Variants in TMEM95 observed in about 807,000 individuals in gnomAD.
TMEM95 encodes sperm-egg fusion protein TMEM95.
Under a neutral mutation model 27.7 loss-of-function variants are expected in TMEM95, and 21 were observed. The observed-to-expected ratio is 0.76, with a 90% confidence interval of 0.54 to 1.09. The LOEUF is 1.09. Ranked by LOEUF, TMEM95 falls within the 50% of genes least tolerant of loss-of-function variation. The probability of loss-of-function intolerance (pLI) is 0.00; values close to 1 mark genes in which losing one functional copy is unlikely to be tolerated. For missense variants in TMEM95, 203 were observed against 217.9 expected, an observed-to-expected ratio of 0.93 and a Z score of 0.43; for synonymous variants, 77 against 85.7, an observed-to-expected ratio of 0.90 and a Z score of 0.56.
intron 5 of TMEM95, 28 bp downstream of exon 5, chr17:7,356,304 C>A: frequency 6.3e-7 from 1 of 1,594,476 alleles, no homozygotes; most frequent in South Asian, 1.1e-5. Flanking sequence ...GGCCCCGCCC[C>A]ACCTTGCCCA....
In TMEM95 at chr17:7,356,692, C is replaced by T. The variant is rs766339728; in HGVS notation, c.*60C>T. 9 of 1,581,810 alleles carry T rather than the reference C, an allele frequency of 5.7e-6. No homozygotes were observed. Among genetic ancestry groups the T allele is most frequent in the Middle Eastern group, 1.7e-4 (1 of 5,996 alleles). On this transcript the variant is annotated 3_prime_UTR_variant, in exon 7 of 7. Transcript: ENST00000576060. ...GGGTATGCACTCACAACTTCCACAT[C>T]CCTTGGAGGGGAACCAGTCAGCCCC...
Position 7,355,474 on chromosome 17 carries a change from T to C in TMEM95, c.169+101T>C. 1 of 1,539,926 alleles carries C rather than the reference T, an allele frequency of 6.5e-7. No individual in the cohort carries two copies. Among genetic ancestry groups the C allele is most frequent in the Non-Finnish European group, 8.8e-7 (1 of 1,139,184 alleles). On this transcript the variant is annotated intron_variant, in intron 1 of 6. Transcript: ENST00000576060. This position sits in a 1 kb window ranked among gnomAD's most constrained non-coding sequence, Gnocchi z 4.9. ...AGCTGTGCCCTCCATCTGTGGCCCT[T>C]TCTGGACATGCTGGCCTTTCCCTCT... is the stretch of plus-strand genomic sequence containing the variant.
chr17:7,355,844 A>G lies in TMEM95; in HGVS notation c.233A>G (p.Lys78Arg), dbSNP rs2073485278. 1.2e-6 allele frequency: 2 copies of G among 1,613,846 alleles called. No individual in the cohort carries two copies. The highest frequency in any genetic ancestry group is 1.7e-6 in the Non-Finnish European group (2 of 1,179,974). ...CTGCTGTCTGCCTCCCCAGAAATCA[A>G]AGAGGCTGTCTCCTCACTCCCTTCA... ...THRVLRVMEI[K>R]EAVSSLPSYW... Residue 78 changes from lysine to arginine, a missense_variant, in exon 3 of 7, where the codon AAA becomes AGA. Lys to Arg is a conservative substitution (Grantham distance 26). Coordinates refer to ENST00000576060, the MANE Select transcript of TMEM95 (RefSeq NM_001320436.2). This position sits in a 1 kb window ranked among gnomAD's most constrained non-coding sequence, Gnocchi z 4.9.
In TMEM95 at chr17:7,355,709, G is replaced by A; in HGVS notation, c.226+67G>A. On this transcript the variant is annotated intron_variant, in intron 2 of 6. Coordinates refer to ENST00000576060, the MANE Select transcript of TMEM95 (RefSeq NM_001320436.2). This position sits in a 1 kb window ranked among gnomAD's most constrained non-coding sequence, Gnocchi z 4.9. Reference sequence around the variant, plus strand: ...TACCAAGGAGAGGGACGGGTGACAGGGGTTGGGGTGGGCAGGGAAGGGTGG... The same window carrying A: ...TACCAAGGAGAGGGACGGGTGACAGAGGTTGGGGTGGGCAGGGAAGGGTGG... The A allele has an allele frequency of 1.3e-6, 2 of 1,497,884 alleles. No homozygotes were observed. Among genetic ancestry groups the A allele is most frequent in the Non-Finnish European group, 1.8e-6 (2 of 1,081,462 alleles). 92.8% of individuals were successfully genotyped at this position (1,497,884 alleles called of 1,614,324 possible).
rs368526974 is a variant in TMEM95 at position 7,355,212 on chromosome 17, G to C, written c.8G>C (p.Arg3Thr). Residue 3 changes from arginine to threonine, a missense_variant, in exon 1 of 7, where the codon AGG becomes ACG. Arg to Thr is a moderately conservative substitution (Grantham distance 71). Transcript: ENST00000576060. The surrounding 1 kb of genome is among the most constrained non-coding windows in gnomAD (Gnocchi z 4.9). ...CATCCCCCAGTGGTCCTCATGTGGAGGCTGGCACTAGGCGGGGTTTTCCTG... is the reference window on the plus strand; with the variant it reads ...CATCCCCCAGTGGTCCTCATGTGGACGCTGGCACTAGGCGGGGTTTTCCTG... The part of the protein sequence containing the change: MW[R>T]LALGGVFLAA... 39 of 1,612,828 alleles carry C rather than the reference G, an allele frequency of 2.4e-5. No individual in the cohort carries two copies. The African/African-American group carries it at 4.9e-4, about 20-fold the overall frequency.
chr17:7,356,348 G>A (rs771013883), intron 5 of TMEM95, 44 bp from the exon 6 acceptor site: 58 of 1,609,246 alleles, frequency 3.6e-5, no homozygotes, highest in Admixed American at 3.2e-4. Context: ...AAGTCGGTGC[G>A]TGTGGGTCCC....
chr17:7,355,303 G>A lies in TMEM95; in HGVS notation c.99G>A (p.Arg33=), dbSNP rs2073470705. The A allele has an allele frequency of 6.2e-7, 1 of 1,614,116 alleles. No homozygotes were observed. Residue 33 remains arginine (R), a synonymous_variant, in exon 1 of 7, where the codon CGG becomes CGA. Transcript: ENST00000576060. The surrounding 1 kb of genome is among the most constrained non-coding windows in gnomAD (Gnocchi z 4.9). ...ACGACTTGTCAGGCCGCCTGGCTCG[G>A]CTCTGCAGCCAGATGGAGGCCAGGC... ...PAHDLSGRLA[R]LCSQMEARQK...
In TMEM95 at chr17:7,355,397, G is replaced by A. The variant is rs2073473786; in HGVS notation, c.169+24G>A. 2.5e-6 allele frequency: 4 copies of A among 1,598,792 alleles called. No individual in the cohort carries two copies. Among genetic ancestry groups the A allele is most frequent in the Non-Finnish European group, 3.4e-6 (4 of 1,170,008 alleles). ...AGGTAGGACCAGACATCCAGGGATG[G>A]GCCCAGCAAGCACTCACCCCCCTAC... On this transcript the variant is annotated intron_variant, in intron 1 of 6. Transcript: ENST00000576060. This position sits in a 1 kb window ranked among gnomAD's most constrained non-coding sequence, Gnocchi z 4.9.
chr17:7,355,182 C>T lies in TMEM95; in HGVS notation c.-23C>T, dbSNP rs183640183. On this transcript the variant is annotated 5_prime_UTR_variant, in exon 1 of 7. Transcript: ENST00000576060. The surrounding 1 kb of genome is among the most constrained non-coding windows in gnomAD (Gnocchi z 4.9). ...TTCCTCGGCTCAGCTGGGGCAGCGC[C>T]GCCCCATCCCCCAGTGGTCCTCATG... The T allele has an allele frequency of 7.0e-5, 112 of 1,606,486 alleles. No individual in the cohort carries two copies. In the African/African-American group the frequency reaches 7.6e-4, roughly 11 times the overall value.
At chr17:7,356,164 C>T (rs976037086) in intron 4 of TMEM95, 32 bp from the exon 5 acceptor site, 5 of 1,585,606 alleles carry the variant, frequency 3.2e-6, no homozygotes, top group Admixed American at 1.7e-5. Context: ...CCGGCCTCCC[C>T]TCCCCAGCGT....
chr17:7,356,588 T>C lies in TMEM95; in HGVS notation c.498-11T>C. ...CCCTCCCGTAGGCTTCCCACCCTCG[T>C]CTTCCCTCAGGTCCCACCACCTCCA... On this transcript the variant is annotated splice_polypyrimidine_tract_variant and intron_variant, in intron 6 of 6. Coordinates refer to ENST00000576060, the MANE Select transcript of TMEM95 (RefSeq NM_001320436.2). The C allele has an allele frequency of 6.2e-7, 1 of 1,609,744 alleles. No individual in the cohort carries two copies. Among genetic ancestry groups the C allele is most frequent in the South Asian group, 1.1e-5 (1 of 90,736 alleles).
In TMEM95 at chr17:7,357,106, A is replaced by T. The variant is rs2073524829; in HGVS notation, c.*474A>T. On this transcript the variant is annotated 3_prime_UTR_variant, in exon 7 of 7. Transcript: ENST00000576060. ...AAACTCACCCCACTAGAGTGAGATC[A>T]CATCAGTGGGTTCGCGGGCATGCCC... 1.2e-5 allele frequency: 2 copies of T among 167,028 alleles called. No individual in the cohort carries two copies. Among genetic ancestry groups the T allele is most frequent in the Admixed American group, 1.2e-4 (2 of 16,100 alleles). 10.3% of individuals were successfully genotyped at this position (167,028 alleles called of 1,614,324 possible). A position where few individuals can be genotyped will look rare whatever the true frequency, so the allele number is the denominator to read the frequency against.
rs780485020 is a variant in TMEM95 at position 7,356,017 on chromosome 17, C to G, written c.308-12C>G. ...ATTCACACCCCCACCCCTTCCTTGT[C>G]TTTCATTTCAGCTCTCTGTCCCCCC... On this transcript the variant is annotated splice_polypyrimidine_tract_variant and intron_variant, in intron 3 of 6. Coordinates refer to ENST00000576060, the MANE Select transcript of TMEM95 (RefSeq NM_001320436.2). The G allele has an allele frequency of 1.2e-6, 2 of 1,613,868 alleles. No homozygotes were observed. The highest frequency in any genetic ancestry group is 1.7e-6 in the Non-Finnish European group (2 of 1,179,948).
intron 5 of TMEM95, 53 bp from the exon 6 acceptor site, chr17:7,356,339 A>C (rs1176969540): frequency 1.2e-6 from 2 of 1,608,126 alleles, no homozygotes; most frequent in Non-Finnish European, 1.7e-6. Context: ...TGGGCTCCCA[A>C]GTCGGTGCGT....
chr17:7,355,723 A>AT lies in TMEM95; in HGVS notation c.226+81_226+82insT. On this transcript the variant is annotated intron_variant, in intron 2 of 6. Transcript: ENST00000576060. The surrounding 1 kb of genome is among the most constrained non-coding windows in gnomAD (Gnocchi z 4.9). ...ACGGGTGACAGGGGTTGGGGTGGGC[A>AT]GGGAAGGGTGGAGGGGTAGAGACAG... The AT allele has an allele frequency of 6.7e-5, 53 of 788,200 alleles. No individual in the cohort carries two copies. The highest frequency in any genetic ancestry group is 9.8e-5 in the Non-Finnish European group (47 of 480,228). 48.8% of individuals were successfully genotyped at this position (788,200 alleles called of 1,614,324 possible). A position where few individuals can be genotyped will look rare whatever the true frequency, so the allele number is the denominator to read the frequency against.
In TMEM95 at chr17:7,355,943, G is replaced by A; in HGVS notation, c.307+25G>A. Reference sequence around the variant, plus strand: ...GGTACCGATGCGGGATGGGCCTCAAGGGGAGCCTAGGGTCTTAACCAAAGG... The same window carrying A: ...GGTACCGATGCGGGATGGGCCTCAAAGGGAGCCTAGGGTCTTAACCAAAGG... On this transcript the variant is annotated intron_variant, in intron 3 of 6. Coordinates refer to ENST00000576060, the MANE Select transcript of TMEM95 (RefSeq NM_001320436.2). This position sits in a 1 kb window ranked among gnomAD's most constrained non-coding sequence, Gnocchi z 4.9. 1 of 1,613,888 alleles carries A rather than the reference G, an allele frequency of 6.2e-7. No homozygotes were observed. The highest frequency in any genetic ancestry group is 1.3e-5 in the African/African-American group (1 of 75,002).
rs746476150 is a variant in TMEM95, at chr17:7,355,929, G to A, written c.307+11G>A. 2.2e-5 allele frequency: 35 copies of A among 1,613,860 alleles called. No homozygotes were observed. The highest frequency in any genetic ancestry group is 4.5e-5 in the East Asian group (2 of 44,886). ...AGTACACCAGGGAAGGTACCGATGCGGGATGGGCCTCAAGGGGAGCCTAGG... is the reference window on the plus strand; with the variant it reads ...AGTACACCAGGGAAGGTACCGATGCAGGATGGGCCTCAAGGGGAGCCTAGG... On this transcript the variant is annotated intron_variant, in intron 3 of 6. Coordinates refer to ENST00000576060, the MANE Select transcript of TMEM95 (RefSeq NM_001320436.2). The surrounding 1 kb of genome is among the most constrained non-coding windows in gnomAD (Gnocchi z 4.9).
In TMEM95 at chr17:7,355,238, G is replaced by A. The variant is rs2143020180; in HGVS notation, c.34G>A (p.Ala12Thr). 1 of 1,613,720 alleles carries A rather than the reference G, an allele frequency of 6.2e-7. No individual in the cohort carries two copies. Residue 12 changes from alanine to threonine, a missense_variant, in exon 1 of 7, where the codon GCA becomes ACA. By Grantham distance (58) the Ala-to-Thr change is moderately conservative. Transcript: ENST00000576060. The surrounding 1 kb of genome is among the most constrained non-coding windows in gnomAD (Gnocchi z 4.9). ...WRLALGGVFLAAAQACVFCRL... is the reference protein window; with the variant it reads ...WRLALGGVFLTAAQACVFCRL... ...GCTGGCACTAGGCGGGGTTTTCCTG[G>A]CAGCCGCCCAGGCTTGTGTCTTCTG...
In TMEM95 at chr17:7,356,069, G is replaced by GT. The variant is rs1455101176; in HGVS notation, c.328+20_328+21insT. 3 of 1,614,050 alleles carry GT rather than the reference G, an allele frequency of 1.9e-6. No individual in the cohort carries two copies. The Admixed American group carries it at 5.0e-5, about 27-fold the overall frequency. ...CCTGCCGTGAGTAGGAAAGGAAAGGGGTAGCAAGGACCTGGGGCCTGCAGG... is the reference window on the plus strand; with the variant it reads ...CCTGCCGTGAGTAGGAAAGGAAAGGGTGTAGCAAGGACCTGGGGCCTGCAGG... On this transcript the variant is annotated intron_variant, in intron 4 of 6. Coordinates refer to ENST00000576060, the MANE Select transcript of TMEM95 (RefSeq NM_001320436.2).
Sources: gnomAD v4.1 joint callset for allele counts on GRCh38, gnomAD v4.1.1 for gene constraint, Gnocchi (gnomAD v3.1) non-coding constraint, MANE v1.5 for transcripts, NCBI Gene and HGNC (gene_info 2026-07-23, HGNC 2026-07-21) for gene names.